TBC1D19: variants seen among roughly 807,000 people sequenced by gnomAD.
TBC1D19 encodes the protein TBC1 domain family, member 19.
In TBC1D19, 60 loss-of-function variants were observed where a neutral mutation model predicts 89.0. That is an observed-to-expected ratio of 0.67 (90% CI 0.55 to 0.84). TBC1D19 has a LOEUF of 0.84. Among genes scored for constraint, TBC1D19 ranks in the 40% least tolerant of loss-of-function variants. The pLI is 0.00. For missense variants in TBC1D19, 500 were observed against 610.8 expected, an observed-to-expected ratio of 0.82 and a Z score of 1.91; for synonymous variants, 189 against 199.7, an observed-to-expected ratio of 0.95 and a Z score of 0.45.
the TBC1D19 span, among the ~76,000 whole-genome samples, chr4:26,795,128 T>C: frequency 6.6e-6 from 1 of 152,234 alleles, no homozygotes; most frequent in East Asian, 1.9e-4. Context: ...GCCTCACTTA[T>C]CTGGACTCAC....
At chr4:26,696,724 A>G (rs535340995) in intron 13 of TBC1D19, among the ~76,000 whole-genome samples, 177 of 152,364 alleles carry the variant, frequency 1.2e-3, no homozygotes, top group African/African-American at 4.0e-3. Flanking sequence ...CAGCTCAACT[A>G]CATGGAAACT....
intron 16 of TBC1D19, among the ~76,000 whole-genome samples, chr4:26,736,603 G>A (rs1203160457): frequency 6.6e-6 from 1 of 152,162 alleles, no homozygotes; most frequent in Non-Finnish European, 1.5e-5. Flanking sequence ...TAGTCCAATG[G>A]AAACTAGAGA....
chr4:26,576,861 T>G (rs1283462353), intron 1 of TBC1D19: 1 of 455,960 alleles, frequency 2.2e-6, no homozygotes, highest in Non-Finnish European at 4.4e-6. Flanking sequence ...CTGTTGTATC[T>G]GTTGGGATGG....
chr4:26,851,810 A>G, the TBC1D19 span, among the ~76,000 whole-genome samples: 1 of 152,128 alleles, frequency 6.6e-6, no homozygotes, highest in African/African-American at 2.4e-5. Context: ...TCCGCCTCCC[A>G]GGTTCAAATG....
At chr4:26,664,410 A>T (rs979172399) in intron 8 of TBC1D19, among the ~76,000 whole-genome samples, 3 of 151,526 alleles carry the variant, frequency 2.0e-5, no homozygotes, top group African/African-American at 7.3e-5. Flanking sequence ...CCTAAGTAAA[A>T]CTCTCCATTT....
intron 7 of TBC1D19, among the ~76,000 whole-genome samples, chr4:26,657,890 G>A (rs560401826): frequency 1.3e-5 from 2 of 152,314 alleles, no homozygotes; most frequent in East Asian, 3.9e-4. Context: ...CTTCTTTTGA[G>A]AAGTGTCTGT....
chr4:26,620,092 T>C (rs1405275816), intron 3 of TBC1D19, among the ~76,000 whole-genome samples: 2 of 152,340 alleles, frequency 1.3e-5, no homozygotes, highest in East Asian at 3.9e-4. Flanking sequence ...AGTCATTATG[T>C]TCCAGTGGCC....
intron 7 of TBC1D19, among the ~76,000 whole-genome samples, chr4:26,644,343 T>C (rs1743765484): frequency 6.6e-6 from 1 of 152,178 alleles, no homozygotes; most frequent in Non-Finnish European, 1.5e-5. Flanking sequence ...TCTCAATAGA[T>C]GCAGAAAAGG....
At chr4:26,817,291 CGCCG>C in the TBC1D19 span, among the ~76,000 whole-genome samples, 5 of 152,284 alleles carry the variant, frequency 3.3e-5, no homozygotes, top group African/African-American at 1.2e-4. Flanking sequence ...TCCCGCACCC[CGCCG>C]GCAGCTTAGG....
chr4:26,819,912 C>T, the TBC1D19 span, among the ~76,000 whole-genome samples: 1 of 152,174 alleles, frequency 6.6e-6, no homozygotes, highest in African/African-American at 2.4e-5. Flanking sequence ...GAATGCTCGT[C>T]CCTCAGATAT....
intron 3 of TBC1D19, among the ~76,000 whole-genome samples, chr4:26,617,549 A>G (rs1348801885): frequency 6.6e-6 from 1 of 152,270 alleles, no homozygotes; most frequent in Non-Finnish European, 1.5e-5. Flanking sequence ...TATTTCCTAT[A>G]GCATCAAATA....
At chr4:26,659,547 T>TA in intron 7 of TBC1D19, 50 bp from the exon 8 acceptor site, 1 of 1,265,438 alleles carries the variant, frequency 7.9e-7, no homozygotes, top group Non-Finnish European at 1.1e-6. Context: ...TTTATAAGTG[T>TA]AAACATCCTG....
chr4:26,584,100 G>C lies in TBC1D19; in HGVS notation c.-94G>C, dbSNP rs1228474097. On this transcript the variant is annotated 5_prime_UTR_variant, in exon 1 of 21. Coordinates refer to ENST00000264866, the MANE Select transcript of TBC1D19 (RefSeq NM_018317.4). ...AGGAGTCCCAGTGTAATAAGGTCCCGGAGAAGTGTCACTGGCCCTGAGTGG... is the reference window on the plus strand; with the variant it reads ...AGGAGTCCCAGTGTAATAAGGTCCCCGAGAAGTGTCACTGGCCCTGAGTGG... 3.9e-6 allele frequency: 5 copies of C among 1,266,386 alleles called. No individual in the cohort carries two copies. Among genetic ancestry groups the C allele is most frequent in the Non-Finnish European group, 5.6e-6 (5 of 891,484 alleles). 78.4% of individuals were successfully genotyped at this position (1,266,386 alleles called of 1,614,324 possible). A position where few individuals can be genotyped will look rare whatever the true frequency, so the allele number is the denominator to read the frequency against.
At chr4:26,753,763 A>G (rs1317220188) in intron 19 of TBC1D19, 57 bp from the exon 20 acceptor site, 13 of 1,599,460 alleles carry the variant, frequency 8.1e-6, no homozygotes, top group Non-Finnish European at 1.1e-5. Flanking sequence ...GCATAGCAGT[A>G]ACCGTGCCGG....
Position 26,688,405 on chromosome 4 carries a change from C to A in TBC1D19, c.952C>A (p.Gln318Lys). The change falls in exon 13 of 21, where the codon CAG (glutamine) becomes AAG (lysine). Residue 318 changes from glutamine to lysine, a missense_variant and splice_region_variant. Gln to Lys is a moderately conservative substitution (Grantham distance 53, BLOSUM62 1). Around this residue, in one of 2 missense-constraint regions of TBC1D19, gnomAD observed 220 missense variants for 319.1 expected, o/e 0.69. Transcript: ENST00000264866. ...YYFVFEDYLY[Q>K]VLLCFSRDTS... ...TTTTGTATTTGAAGATTATTTATAT[C>A]AGGTAAGTTTAAAAATAAAAATACA... The A allele has an allele frequency of 6.4e-7, 1 of 1,557,370 alleles. No homozygotes were observed. Among genetic ancestry groups the A allele is most frequent in the African/African-American group, 1.4e-5 (1 of 73,336 alleles).
chr4:26,675,546 CT>C (rs1411747104), intron 11 of TBC1D19, among the ~76,000 whole-genome samples: 1 of 152,022 alleles, frequency 6.6e-6, no homozygotes, highest in Admixed American at 6.6e-5. Flanking sequence ...ATTAAAGCAT[CT>C]TTTATCATTT....
the TBC1D19 span, among the ~76,000 whole-genome samples, chr4:26,843,661 C>T: frequency 9.9e-5 from 15 of 152,046 alleles, no homozygotes; most frequent in East Asian, 3.9e-4. Flanking sequence ...AAGACAGATA[C>T]GATCCTCAAC....
chr4:26,845,043 T>A, the TBC1D19 span, among the ~76,000 whole-genome samples: 1 of 152,226 alleles, frequency 6.6e-6, no homozygotes, highest in African/African-American at 2.4e-5. Context: ...AAATCCTGTA[T>A]AAATATTCTC....
intron 4 of TBC1D19, among the ~76,000 whole-genome samples, chr4:26,625,572 T>C (rs1742337945): frequency 6.6e-6 from 1 of 152,196 alleles, no homozygotes; most frequent in Non-Finnish European, 1.5e-5. Context: ...GTCCTTGTTC[T>C]GACCCAGGAT....
Sources: allele counts gnomAD v4.1 joint callset (sites outside exome capture counted in the v4.1 genomes callset), GRCh38; gene constraint gnomAD v4.1.1; regional missense constraint gnomAD v4.1.1; transcripts MANE v1.5; gene names NCBI Gene and HGNC (gene_info 2026-07-23, HGNC 2026-07-21).